TMEM117: variants seen among roughly 807,000 people sequenced by gnomAD.
TMEM117 encodes transmembrane protein 117.
A neutral mutation model predicts 52.4 loss-of-function variants in TMEM117; 27 were observed. That is an observed-to-expected ratio of 0.51 (90% confidence interval 0.38 to 0.71). TMEM117 has a LOEUF of 0.71. TMEM117 is among the 30% of genes least tolerant of loss of function. TMEM117 has a pLI of 0.00. For synonymous variants in TMEM117, 215 were observed against 206.3 expected, an observed-to-expected ratio of 1.04 and a Z score of -0.36; for missense variants, 556 against 630.5, an observed-to-expected ratio of 0.88 and a Z score of 1.26.
intron 4 of TMEM117, among the ~76,000 whole-genome samples, chr12:44,173,654 T>C (rs1949080181): frequency 2.0e-5 from 3 of 151,924 alleles, no homozygotes; most frequent in Admixed American, 2.0e-4. Context: ...AATATATTAA[T>C]GTTTCTCTAT....
chr12:44,352,130 C>A (rs1527315), intron 6 of TMEM117, among the ~76,000 whole-genome samples: 21,238 of 151,770 alleles, frequency 0.14, 4,100 homozygotes, highest in African/African-American at 0.44. Context: ...CTGTAAAAAG[C>A]TAAATACTTG....
intron 3 of TMEM117, among the ~76,000 whole-genome samples, chr12:44,070,219 C>G (rs773925950): frequency 1.3e-5 from 2 of 152,082 alleles, no homozygotes; most frequent in Non-Finnish European, 2.9e-5. Flanking sequence ...TTTTTCTCCA[C>G]CATCCTCCAC....
intron 6 of TMEM117, among the ~76,000 whole-genome samples, chr12:44,308,666 C>T (rs1280532607): frequency 6.7e-6 from 1 of 149,408 alleles, no homozygotes; most frequent in Non-Finnish European, 1.5e-5. Context: ...GTCGCCCAGG[C>T]TGGAGTGCAG....
At chr12:44,062,279 G>A (rs1947151748) in intron 3 of TMEM117, among the ~76,000 whole-genome samples, 1 of 152,168 alleles carries the variant, frequency 6.6e-6, no homozygotes, top group Non-Finnish European at 1.5e-5. Context: ...ATATATTTAG[G>A]TAGGAAGAAC....
chr12:44,057,791 C>T (rs1947080175), intron 3 of TMEM117, among the ~76,000 whole-genome samples: 1 of 152,074 alleles, frequency 6.6e-6, no homozygotes, highest in African/African-American at 2.4e-5. Flanking sequence ...ACTTCTGTTG[C>T]TTGATTTATT....
the TMEM117 span, among the ~76,000 whole-genome samples, chr12:43,821,087 T>G: frequency 7.9e-6 from 1 of 126,140 alleles, no homozygotes; most frequent in Non-Finnish European, 1.6e-5. Context: ...AAAGCAAGAC[T>G]CCCTCTCACA....
chr12:43,907,242 A>G (rs1336423585), intron 2 of TMEM117, among the ~76,000 whole-genome samples: 1 of 152,002 alleles, frequency 6.6e-6, no homozygotes, highest in Non-Finnish European at 1.5e-5. Context: ...GCAGACTGAC[A>G]CCTCACACGG....
intron 5 of TMEM117, chr12:44,248,980 G>A (rs533195182): frequency 2.6e-5 from 4 of 152,194 alleles, no homozygotes; most frequent in Non-Finnish European, 5.9e-5. Context: ...GTGTGTGTGG[G>A]TTTATTCATT....
At chr12:44,377,012 T>C (rs779283963) in intron 7 of TMEM117, among the ~76,000 whole-genome samples, 3 of 152,160 alleles carry the variant, frequency 2.0e-5, no homozygotes, top group Non-Finnish European at 4.4e-5. Context: ...CCGTAATCTC[T>C]TGGGCTTGGA....
At chr12:44,198,011 G>A (rs1949443792) in intron 4 of TMEM117, among the ~76,000 whole-genome samples, 1 of 152,154 alleles carries the variant, frequency 6.6e-6, no homozygotes, top group Admixed American at 6.6e-5. Flanking sequence ...ACTTCTTGTG[G>A]CAATTTATTC....
the TMEM117 span, among the ~76,000 whole-genome samples, chr12:44,395,575 A>C: frequency 6.6e-6 from 1 of 152,194 alleles, no homozygotes; most frequent in Non-Finnish European, 1.5e-5. Flanking sequence ...CCAAAATCCC[A>C]CTGGCTTAAC....
At chr12:43,959,174 G>A (rs912640838) in intron 3 of TMEM117, among the ~76,000 whole-genome samples, 2 of 152,168 alleles carry the variant, frequency 1.3e-5, no homozygotes, top group African/African-American at 2.4e-5. Flanking sequence ...AAAAATAAAT[G>A]AGGGAGAGAC....
At chr12:44,346,825 T>C (rs887629748) in intron 6 of TMEM117, among the ~76,000 whole-genome samples, 5 of 152,200 alleles carry the variant, frequency 3.3e-5, no homozygotes, top group African/African-American at 9.6e-5. Flanking sequence ...AAAATATCAG[T>C]AAAATCTTCA....
chr12:44,184,917 A>G (rs2138326254), intron 4 of TMEM117, among the ~76,000 whole-genome samples: 1 of 152,334 alleles, frequency 6.6e-6, no homozygotes. Context: ...TTCCTATGCC[A>G]AGTACTCGTA....
intron 5 of TMEM117, among the ~76,000 whole-genome samples, chr12:44,216,062 C>T (rs903057891): frequency 1.6e-4 from 21 of 132,040 alleles, no homozygotes; most frequent in African/African-American, 4.0e-4. Context: ...GGCTGGAGTA[C>T]AGTGGCCCAA....
At chr12:43,994,856 C>T (rs1285596532) in intron 3 of TMEM117, among the ~76,000 whole-genome samples, 2 of 152,038 alleles carry the variant, frequency 1.3e-5, no homozygotes, top group Non-Finnish European at 2.9e-5. Context: ...TGATGAGTGC[C>T]TATTGTGTGC....
rs17094554 is a variant in TMEM117, at chr12:44,373,018, A to G, written c.769-3577A>G. ...TTATACTTCAGTAAAAAATGGGCTAATAATAGCAACTAGGATGGTTTTGTA... is the reference window on the plus strand; with the variant it reads ...TTATACTTCAGTAAAAAATGGGCTAGTAATAGCAACTAGGATGGTTTTGTA... On this transcript the variant is annotated intron_variant, in intron 6 of 7. Coordinates refer to ENST00000266534, the MANE Select transcript of TMEM117 (RefSeq NM_032256.3). 5.7e-3 allele frequency among the ~76,000 whole-genome samples: 876 copies of G among 152,370 alleles called. 11 individuals are homozygous for G. Among genetic ancestry groups the G allele is most frequent in the African/African-American group, 0.019 (802 of 41,590 alleles).
At chr12:44,335,431 A>G (rs996689418) in intron 6 of TMEM117, among the ~76,000 whole-genome samples, 1 of 152,044 alleles carries the variant, frequency 6.6e-6, no homozygotes, top group African/African-American at 2.4e-5. Context: ...TTTCTCATTG[A>G]TCATCATAGC....
intron 6 of TMEM117, among the ~76,000 whole-genome samples, chr12:44,363,416 A>G (rs1951748834): frequency 6.6e-6 from 1 of 152,232 alleles, no homozygotes; most frequent in South Asian, 2.1e-4. Flanking sequence ...ATTTAATCAT[A>G]TTAGTAAAGG....
Sources: gnomAD v4.1 joint callset for allele counts (sites outside exome capture counted in the v4.1 genomes callset) on GRCh38, gnomAD v4.1.1 for gene constraint, MANE v1.5 for transcripts, NCBI Gene and HGNC (gene_info 2026-07-23, HGNC 2026-07-21) for gene names.